The following MAP7 variants were observed in gnomAD, a reference collection of about 807,000 sequenced individuals.
MAP7 encodes the protein microtubule associated protein 7.
A neutral mutation model predicts 94.8 loss-of-function variants in MAP7; 52 were observed. The ratio of observed to expected loss-of-function variants is 0.55; its 90% CI spans 0.44 to 0.69. The LOEUF is 0.69. Among genes scored for constraint, MAP7 ranks in the 30% least tolerant of loss-of-function variants. MAP7 has a pLI of 0.00. For missense variants in MAP7, 940 were observed against 964.6 expected (o/e 0.97, Z 0.34); for synonymous variants, 350 against 357.0 (o/e 0.98, Z 0.22).
At chr6:136,396,714 AC>A (rs1233343715) in intron 3 of MAP7, among the ~76,000 whole-genome samples, 2 of 152,114 alleles carry the variant, frequency 1.3e-5, no homozygotes, top group East Asian at 3.9e-4. Flanking sequence ...AAATTGCTTA[AC>A]CTCCCTATTC....
At chr6:136,454,467 C>G (rs1802214022) in intron 1 of MAP7, among the ~76,000 whole-genome samples, 1 of 151,966 alleles carries the variant, frequency 6.6e-6, no homozygotes, top group African/African-American at 2.4e-5. Flanking sequence ...ACACTATGTC[C>G]AGCTAATTTT....
At chr6:136,468,690 C>T (rs750320019) in intron 1 of MAP7, among the ~76,000 whole-genome samples, 2 of 152,138 alleles carry the variant, frequency 1.3e-5, no homozygotes, top group Non-Finnish European at 2.9e-5. Flanking sequence ...AAGTGAGAAA[C>T]AGAATTGTTG....
rs1826384846 is a variant in MAP7, at chr6:136,521,462, A to G, written c.67+28880T>C. ...GATGATAATTTTGATAAAATCAAGT[A>G]AAAGTCATTTAGAGTCAAGTCTCAT... On this transcript the variant is annotated intron_variant, in intron 1 of 17. Coordinates refer to ENST00000354570, the MANE Select transcript of MAP7 (RefSeq NM_003980.6). 1.3e-5 allele frequency among the ~76,000 whole-genome samples: 2 copies of G among 152,202 alleles called. 1 individual carries two copies. The highest frequency in any genetic ancestry group is 4.1e-4 in the South Asian group (2 of 4,834).
chr6:136,482,185 A>G (rs1813050461), intron 1 of MAP7, among the ~76,000 whole-genome samples: 1 of 152,226 alleles, frequency 6.6e-6, no homozygotes, highest in Non-Finnish European at 1.5e-5. Flanking sequence ...TGGGCATGTA[A>G]ATTAGTCACA....
At chr6:136,370,103 G>T (rs1224626521) in intron 8 of MAP7, among the ~76,000 whole-genome samples, 2 of 152,160 alleles carry the variant, frequency 1.3e-5, no homozygotes. Flanking sequence ...CCATTAAAAA[G>T]TGAGCAAAGA....
Position 136,342,775 on chromosome 6 carries a change from T to C in MAP7, c.*1453A>G, listed in dbSNP as rs1786804864. ...ATTTTATTTGGTGTTTCATGCTATG[T>C]TGATTTAAACAAATTAAACAAGTTT... On this transcript the variant is annotated 3_prime_UTR_variant, in exon 18 of 18. Coordinates refer to ENST00000354570, the MANE Select transcript of MAP7 (RefSeq NM_003980.6). 1 of 152,244 alleles carries C rather than the reference T, an allele frequency of 6.6e-6. No homozygotes were observed. The highest frequency in any genetic ancestry group is 2.4e-5 in the African/African-American group (1 of 41,460). The allele number at this position is 152,244 out of a possible 1,614,324, so 9.4% of individuals were successfully genotyped here.
intron 1 of MAP7, among the ~76,000 whole-genome samples, chr6:136,531,303 C>T (rs759435935): frequency 3.5e-5 from 5 of 144,750 alleles, no homozygotes; most frequent in Non-Finnish European, 7.4e-5. Context: ...TACAGATGCC[C>T]GGACTGTGTT....
rs112403943 is a variant in MAP7, at chr6:136,346,078, T to G, written c.2017A>C (p.Thr673Pro). 274 of 1,583,984 alleles carry G rather than the reference T, an allele frequency of 1.7e-4. No individual in the cohort carries two copies. In the African/African-American group the frequency reaches 3.5e-3, roughly 20 times the overall value. ...SHQSKVTVES[T>P]PDLEKQPNEN... ...TTTGGTTGTTTTTCCAAATCGGGAGTGCTAAGGAATTTGAAAAATAAAAAT... is the reference window on the plus strand; with the variant it reads ...TTTGGTTGTTTTTCCAAATCGGGAGGGCTAAGGAATTTGAAAAATAAAAAT... Residue 673 changes from threonine to proline, a missense_variant and splice_region_variant, in exon 17 of 18, where the codon ACT (threonine) becomes CCT (proline). By Grantham distance (38) the Thr-to-Pro change is conservative. Transcript: ENST00000354570.
chr6:136,525,104 A>G (rs760713533), intron 1 of MAP7, among the ~76,000 whole-genome samples: 2 of 152,214 alleles, frequency 1.3e-5, no homozygotes, highest in African/African-American at 4.8e-5. Flanking sequence ...AATGCTGACA[A>G]TGATGCAGTA....
chr6:136,435,451 G>T (rs188500526), intron 1 of MAP7, among the ~76,000 whole-genome samples: 65 of 152,304 alleles, frequency 4.3e-4, no homozygotes, highest in African/African-American at 1.5e-3. Flanking sequence ...AATCAAATGT[G>T]AATAGATCTC....
intron 1 of MAP7, among the ~76,000 whole-genome samples, chr6:136,447,743 C>A (rs1799773717): frequency 6.6e-6 from 1 of 152,066 alleles, no homozygotes; most frequent in East Asian, 1.9e-4. Context: ...ATCAACTTAT[C>A]CTGAAAGTCA....
At chr6:136,464,656 C>A (rs1806371310) in intron 1 of MAP7, among the ~76,000 whole-genome samples, 1 of 152,220 alleles carries the variant, frequency 6.6e-6, no homozygotes, top group Non-Finnish European at 1.5e-5. Context: ...TGCAGTGAGA[C>A]TCCTGATTTT....
intron 1 of MAP7, among the ~76,000 whole-genome samples, chr6:136,477,146 T>C (rs922042955): frequency 6.6e-6 from 1 of 152,160 alleles, no homozygotes; most frequent in Non-Finnish European, 1.5e-5. Flanking sequence ...AGATACCACC[T>C]CAAACACGTG....
At chr6:136,374,959 T>A (rs1334107556) in intron 7 of MAP7, among the ~76,000 whole-genome samples, 1 of 152,048 alleles carries the variant, frequency 6.6e-6, no homozygotes, top group Non-Finnish European at 1.5e-5. Context: ...ACACTTCATA[T>A]CCCAAATAGT....
intron 1 of MAP7, chr6:136,466,678 T>C: frequency 7.3e-7 from 1 of 1,373,656 alleles, no homozygotes; most frequent in African/African-American, 1.4e-5. Context: ...AGTATTAATT[T>C]GTCAAAATGG....
chr6:136,460,803 T>G (rs1804949027), intron 1 of MAP7, among the ~76,000 whole-genome samples: 1 of 150,460 alleles, frequency 6.6e-6, no homozygotes, highest in South Asian at 2.1e-4. Context: ...ATCTGAAGAT[T>G]TTTTTTTTTA....
chr6:136,379,466 C>T (rs766762108), intron 6 of MAP7, among the ~76,000 whole-genome samples: 16 of 152,248 alleles, frequency 1.1e-4, no homozygotes, highest in South Asian at 4.2e-4. Context: ...GAAAGCACCA[C>T]GGGCTAAGTA....
At chr6:136,437,147 C>G (rs1257293495) in intron 1 of MAP7, among the ~76,000 whole-genome samples, 1 of 152,214 alleles carries the variant, frequency 6.6e-6, no homozygotes, top group Non-Finnish European at 1.5e-5. Context: ...ATAACAGCCC[C>G]CTGACCTTGG....
intron 2 of MAP7, among the ~76,000 whole-genome samples, chr6:136,416,682 T>C (rs774221261): frequency 6.6e-6 from 1 of 152,010 alleles, no homozygotes; most frequent in Non-Finnish European, 1.5e-5. Context: ...GGTGCACGCC[T>C]GTTATCCAAG....
Sources: allele counts gnomAD v4.1 joint callset (sites outside exome capture counted in the v4.1 genomes callset), GRCh38; gene constraint gnomAD v4.1.1; transcripts MANE v1.5; gene names NCBI Gene and HGNC (gene_info 2026-07-23, HGNC 2026-07-21).